ALK: variants seen among roughly 807,000 people sequenced by gnomAD.
The protein encoded by ALK is ALK tyrosine kinase receptor.
In ALK, 74 loss-of-function variants were observed where a neutral mutation model predicts 163.1. The ratio of observed to expected loss-of-function variants is 0.45; its 90% CI spans 0.38 to 0.55. The LOEUF is 0.55. Ranked by LOEUF, ALK falls within the 20% of genes least tolerant of loss-of-function variation. The pLI, the probability that ALK is intolerant of heterozygous loss-of-function variation, is 0.00. For missense variants in ALK, 2,063 were observed against 2,105.3 expected, an observed-to-expected ratio of 0.98 and a Z score of 0.39; for synonymous variants, 960 against 843.2, an observed-to-expected ratio of 1.14 and a Z score of -2.40.
intron 8 of ALK, among the ~76,000 whole-genome samples, chr2:29,298,614 G>A (rs373237645): frequency 6.6e-6 from 1 of 152,238 alleles, no homozygotes; most frequent in African/African-American, 2.4e-5. Context: ...TACAATGGGT[G>A]TTTCAAACTC....
chr2:29,329,526 A>T (rs1210505313), intron 5 of ALK, among the ~76,000 whole-genome samples: 1 of 152,142 alleles, frequency 6.6e-6, no homozygotes, highest in Non-Finnish European at 1.5e-5. Flanking sequence ...TTCTAGCTCT[A>T]TCCTGGTCAT....
chr2:29,484,247 A>C (rs1216253075), intron 4 of ALK, among the ~76,000 whole-genome samples: 1 of 152,098 alleles, frequency 6.6e-6, no homozygotes, highest in African/African-American at 2.4e-5. Flanking sequence ...TGATAGAATG[A>C]CTTTGTCTTC....
chr2:29,358,981 A>T (rs946722993), intron 5 of ALK, among the ~76,000 whole-genome samples: 1 of 152,198 alleles, frequency 6.6e-6, no homozygotes, highest in African/African-American at 2.4e-5. Flanking sequence ...AATTAAGAAT[A>T]TTCTAGGTAT....
chr2:29,196,881 A>G (rs765835666), intron 27 of ALK, 21 bp from the exon 28 acceptor site: 8 of 1,571,508 alleles, frequency 5.1e-6, no homozygotes, highest in African/African-American at 1.3e-5. Context: ...AAGCACATTA[A>G]TTAAAATAAG....
At chr2:29,260,510 C>G in intron 11 of ALK, among the ~76,000 whole-genome samples, 1 of 152,028 alleles carries the variant, frequency 6.6e-6, no homozygotes, top group South Asian at 2.1e-4. Context: ...CACAGAACTC[C>G]CTCTACTCCT....
At chr2:29,722,140 T>C (rs775734459) in intron 1 of ALK, among the ~76,000 whole-genome samples, 11 of 152,262 alleles carry the variant, frequency 7.2e-5, no homozygotes, top group Non-Finnish European at 1.2e-4. Flanking sequence ...ATCCTCTTTA[T>C]TCTTCTTTGC....
At chr2:29,508,463 G>A (rs976920624) in intron 4 of ALK, among the ~76,000 whole-genome samples, 11 of 151,804 alleles carry the variant, frequency 7.2e-5, no homozygotes, top group South Asian at 2.1e-4. Context: ...ACCAAACACC[G>A]CGTGTTCTCA....
intron 3 of ALK, among the ~76,000 whole-genome samples, chr2:29,600,814 G>A (rs1398979635): frequency 6.6e-6 from 1 of 152,144 alleles, no homozygotes; most frequent in Non-Finnish European, 1.5e-5. Context: ...GTTGGTGGGT[G>A]GAGGAGTAGG....
chr2:29,351,198 A>G (rs1189872838), intron 5 of ALK, among the ~76,000 whole-genome samples: 1 of 152,254 alleles, frequency 6.6e-6, no homozygotes, highest in Non-Finnish European at 1.5e-5. Context: ...TATTAAAGAT[A>G]GATGAAAAAT....
intron 4 of ALK, 45 bp from the exon 5 acceptor site, chr2:29,383,904 T>G (rs375441392): frequency 6.2e-7 from 1 of 1,613,004 alleles, no homozygotes; most frequent in South Asian, 1.1e-5. Flanking sequence ...GAGAAACAGA[T>G]ATGAGAATTA....
chr2:29,609,420 G>A (rs566538224), intron 3 of ALK, among the ~76,000 whole-genome samples: 31 of 152,166 alleles, frequency 2.0e-4, no homozygotes, highest in South Asian at 1.9e-3. Context: ...CCCAATCCTG[G>A]TGGCCCACAG....
chr2:29,363,389 G>T (rs140869632), intron 5 of ALK, among the ~76,000 whole-genome samples: 1 of 152,174 alleles, frequency 6.6e-6, no homozygotes, highest in South Asian at 2.1e-4. Flanking sequence ...ATGGAGTGGC[G>T]CCTTTCTGAG....
At chr2:29,262,444 C>T (rs1227550848) in intron 11 of ALK, among the ~76,000 whole-genome samples, 2 of 152,166 alleles carry the variant, frequency 1.3e-5, no homozygotes, top group African/African-American at 2.4e-5. Flanking sequence ...ACACCCACCC[C>T]GTTCATTCAG....
intron 2 of ALK, among the ~76,000 whole-genome samples, chr2:29,710,342 C>T (rs763284464): frequency 5.9e-5 from 9 of 152,164 alleles, no homozygotes; most frequent in Non-Finnish European, 1.2e-4. Flanking sequence ...CAGACTAACA[C>T]AGGTGACTAT....
At chr2:29,833,786 A>G (rs78860044) in intron 1 of ALK, among the ~76,000 whole-genome samples, 1 of 152,210 alleles carries the variant, frequency 6.6e-6, no homozygotes, top group Non-Finnish European at 1.5e-5. Flanking sequence ...TCTCCTTGAA[A>G]GCATCTCAAG....
chr2:29,813,486 T>C (rs1242856264), intron 1 of ALK, among the ~76,000 whole-genome samples: 2 of 152,126 alleles, frequency 1.3e-5, no homozygotes, highest in Non-Finnish European at 2.9e-5. Context: ...GGCTCAAGGT[T>C]GCATATTCTT....
chr2:29,259,459 C>T (rs894462851), intron 11 of ALK, among the ~76,000 whole-genome samples: 2 of 151,894 alleles, frequency 1.3e-5, no homozygotes, highest in African/African-American at 2.4e-5. Context: ...TTTCGTTGTC[C>T]GAAGCTTGTT....
chr2:29,550,833 C>T (rs1455517122), intron 3 of ALK, among the ~76,000 whole-genome samples: 1 of 152,118 alleles, frequency 6.6e-6, no homozygotes, highest in African/African-American at 2.4e-5. Flanking sequence ...TTTTTTATTT[C>T]ACCACCTGCA....
intron 3 of ALK, among the ~76,000 whole-genome samples, chr2:29,555,374 G>GT (rs34531089): frequency 7.2e-5 from 11 of 151,786 alleles, no homozygotes; most frequent in Non-Finnish European, 1.6e-4. Flanking sequence ...GGGCATTTGA[G>GT]TTTTTTTTGA....
Sources: allele counts gnomAD v4.1 joint callset (sites outside exome capture counted in the v4.1 genomes callset), GRCh38; gene constraint gnomAD v4.1.1; transcripts MANE v1.5; gene names NCBI Gene and HGNC (gene_info 2026-07-23, HGNC 2026-07-21).